The following MICU1 variants were observed in gnomAD, a reference collection of about 807,000 sequenced individuals.
The protein encoded by MICU1 is mitochondrial calcium uptake 1.
In MICU1, 45 loss-of-function variants were observed where a neutral mutation model predicts 56.8. The observed-to-expected ratio is 0.79, with a 90% confidence interval of 0.62 to 1.02. The LOEUF (loss-of-function observed/expected upper bound fraction) is 1.02, where lower values mean the gene tolerates loss of function less well. MICU1 is among the 50% of genes least tolerant of loss of function. The probability of loss-of-function intolerance (pLI) is 0.00; values close to 1 mark genes in which losing one functional copy is unlikely to be tolerated. For synonymous variants in MICU1, 186 were observed against 195.1 expected, an observed-to-expected ratio of 0.95 and a Z score of 0.39; for missense variants, 504 against 587.1, an observed-to-expected ratio of 0.86 and a Z score of 1.46.
intron 5 of MICU1, chr10:72,523,949 A>G (rs1867896023): frequency 7.1e-7 from 1 of 1,417,952 alleles, no homozygotes. Flanking sequence ...TAGGTGTCCC[A>G]TTTGTTTCCC....
chr10:72,528,200 C>T (rs1360315978), intron 5 of MICU1, among the ~76,000 whole-genome samples: 1 of 152,110 alleles, frequency 6.6e-6, no homozygotes, highest in African/African-American at 2.4e-5. Context: ...AAAAAAGGGC[C>T]CAGTCATCAT....
rs573994851 is a variant in MICU1 at position 72,530,745 on chromosome 10, C to T, written c.537+3001G>A. The stretch of plus-strand genomic sequence containing the variant: ...TGGGCTCTGGAAAAAGATTCAACTA[C>T]AAATTCAAAAGCTGCTTAATTAAAT... On this transcript the variant is annotated intron_variant, in intron 5 of 11. Coordinates refer to ENST00000361114, the MANE Select transcript of MICU1 (RefSeq NM_001195518.2). 4.1e-4 allele frequency among the ~76,000 whole-genome samples: 62 copies of T among 152,252 alleles called. No individual in the cohort carries two copies. In the South Asian group the frequency reaches 0.013, roughly 32 times the overall value.
At position 72,473,546 on chromosome 10, in the gene MICU1, C is replaced by A. The variant is rs569106230; in HGVS notation, c.933+1554G>T. On this transcript the variant is annotated intron_variant, in intron 8 of 11. Transcript: ENST00000361114. ...GCAGGAACCCACCCCAGACAAGATG[C>A]CGCTCCATCTCAGGGCACACTCACA... Among the ~76,000 whole-genome samples, 3 of 152,236 alleles carry A rather than the reference C, an allele frequency of 2.0e-5. No individual in the cohort carries two copies. In the South Asian group the frequency reaches 6.2e-4, roughly 32 times the overall value.
chr10:72,625,449 G>A (rs1297765791), intron 1 of MICU1, among the ~76,000 whole-genome samples: 3 of 152,114 alleles, frequency 2.0e-5, no homozygotes, highest in East Asian at 1.9e-4. Context: ...AGAATGCGAC[G>A]GTGAAAACAA....
intron 10 of MICU1, among the ~76,000 whole-genome samples, chr10:72,388,727 A>G (rs1862971791): frequency 6.6e-6 from 1 of 152,216 alleles, no homozygotes; most frequent in Non-Finnish European, 1.5e-5. Context: ...CTGTCTTCCC[A>G]ATGCTACTGT....
intron 8 of MICU1, among the ~76,000 whole-genome samples, chr10:72,460,415 T>C: frequency 6.6e-6 from 1 of 152,170 alleles, no homozygotes; most frequent in East Asian, 1.9e-4. Flanking sequence ...CATGTAGCTT[T>C]AATAAAAAAA....
intron 8 of MICU1, among the ~76,000 whole-genome samples, chr10:72,427,674 T>A (rs1212888023): frequency 6.6e-6 from 1 of 150,682 alleles, no homozygotes; most frequent in Non-Finnish European, 1.5e-5. Flanking sequence ...CTGACATGGG[T>A]GGATCGCTTG....
intron 4 of MICU1, among the ~76,000 whole-genome samples, chr10:72,547,533 G>GTA (rs5786084): frequency 0.13 from 19,214 of 145,982 alleles, 2,253 homozygotes; most frequent in African/African-American, 0.31. Context: ...ATACACATAT[G>GTA]TATATATATA....
At chr10:72,385,868 G>C (rs1862870518) in intron 10 of MICU1, among the ~76,000 whole-genome samples, 1 of 152,214 alleles carries the variant, frequency 6.6e-6, no homozygotes. Flanking sequence ...TCTGTTGCTG[G>C]CTCTGAAGAA....
At chr10:72,457,832 A>G (rs1865519983) in intron 8 of MICU1, among the ~76,000 whole-genome samples, 1 of 152,114 alleles carries the variant, frequency 6.6e-6, no homozygotes, top group Admixed American at 6.5e-5. Context: ...AAAATTTCTC[A>G]GTTTGCTGTT....
At chr10:72,406,172 A>G (rs931228033) in intron 10 of MICU1, among the ~76,000 whole-genome samples, 5 of 152,168 alleles carry the variant, frequency 3.3e-5, no homozygotes. Context: ...AAAATCAGTT[A>G]TATTTTAATA....
chr10:72,491,096 C>T (rs1043186969), intron 6 of MICU1, among the ~76,000 whole-genome samples: 6 of 152,260 alleles, frequency 3.9e-5, no homozygotes, highest in African/African-American at 7.2e-5. Flanking sequence ...AACAAGAAGA[C>T]CGATGACCCT....
intron 11 of MICU1, among the ~76,000 whole-genome samples, chr10:72,371,381 C>T (rs1311294777): frequency 4.4e-4 from 50 of 112,674 alleles, no homozygotes; most frequent in East Asian, 1.3e-3. Context: ...AGCGAGACTC[C>T]GTCTCAAAAA....
At chr10:72,530,533 G>A (rs903853338) in intron 5 of MICU1, among the ~76,000 whole-genome samples, 15 of 151,624 alleles carry the variant, frequency 9.9e-5, no homozygotes, top group Admixed American at 5.3e-4. Flanking sequence ...ACTTATCTAC[G>A]AAACATATTC....
At chr10:72,418,812 T>C (rs894561359) in intron 9 of MICU1, among the ~76,000 whole-genome samples, 8 of 152,332 alleles carry the variant, frequency 5.3e-5, no homozygotes, top group Admixed American at 1.3e-4. Flanking sequence ...CCTAGAGAGA[T>C]GGACTCGTAA....
chr10:72,590,790 G>T (rs965086633), intron 1 of MICU1, among the ~76,000 whole-genome samples: 2 of 151,388 alleles, frequency 1.3e-5, no homozygotes, highest in Admixed American at 1.3e-4. Flanking sequence ...TCCAGCCTGG[G>T]AGACAGAGTG....
chr10:72,536,994 A>G (rs1205514908), intron 4 of MICU1, among the ~76,000 whole-genome samples: 1 of 152,162 alleles, frequency 6.6e-6, no homozygotes, highest in Non-Finnish European at 1.5e-5. Context: ...TGTGACATGA[A>G]CTGTGAAGAT....
At position 72,452,084 on chromosome 10, in the gene MICU1, T is replaced by C. The variant is rs191140128; in HGVS notation, c.933+23016A>G. Among the ~76,000 whole-genome samples, 300 of 152,246 alleles carry C rather than the reference T, an allele frequency of 2.0e-3. 1 individual carries two copies. Among genetic ancestry groups the C allele is most frequent in the African/African-American group, 6.8e-3 (284 of 41,536 alleles). On this transcript the variant is annotated intron_variant, in intron 8 of 11. Transcript: ENST00000361114. ...GGTTTCACCATGTTGGCCAGGCTGG[T>C]CTTGAACTCCTGACCTCAGGTGATC... is the stretch of plus-strand genomic sequence containing the variant.
At chr10:72,388,182 C>T (rs993522784) in intron 10 of MICU1, among the ~76,000 whole-genome samples, 1 of 152,206 alleles carries the variant, frequency 6.6e-6, no homozygotes, top group African/African-American at 2.4e-5. Context: ...AGAACAGTAT[C>T]TAAAAGTGCA....
Sources: allele counts gnomAD v4.1 joint callset (sites outside exome capture counted in the v4.1 genomes callset), GRCh38; gene constraint gnomAD v4.1.1; transcripts MANE v1.5; gene names NCBI Gene and HGNC (gene_info 2026-07-23, HGNC 2026-07-21).